NDUFAF2: variants seen among roughly 807,000 people sequenced by gnomAD.
NDUFAF2 encodes NADH:ubiquinone oxidoreductase complex assembly factor 2, also known as NADH dehydrogenase [ubiquinone] 1 alpha subcomplex assembly factor 2.
In NDUFAF2, 13 loss-of-function variants were observed where a neutral mutation model predicts 22.8. The ratio of observed to expected loss-of-function variants is 0.57; its 90% CI spans 0.37 to 0.91. The LOEUF (loss-of-function observed/expected upper bound fraction) is 0.91, where lower values mean the gene tolerates loss of function less well. Among genes scored for constraint, NDUFAF2 ranks in the 40% least tolerant of loss-of-function variants. NDUFAF2 has a pLI of 0.01. For missense variants in NDUFAF2, 162 were observed against 195.2 expected (o/e 0.83, Z 1.01); for synonymous variants, 53 against 64.2 (o/e 0.83, Z 0.84).
intron 3 of NDUFAF2, among the ~76,000 whole-genome samples, chr5:61,126,534 G>C (rs975733006): frequency 6.6e-6 from 1 of 151,956 alleles, no homozygotes; most frequent in South Asian, 2.1e-4. Flanking sequence ...ATTTTCTGTA[G>C]AATGATTTCC....
chr5:60,948,551 CTTT>C (rs55712639), intron 1 of NDUFAF2, among the ~76,000 whole-genome samples: 3 of 145,074 alleles, frequency 2.1e-5, no homozygotes, highest in African/African-American at 2.5e-5. Flanking sequence ...ACATATTCTG[CTTT>C]TTTTTTTTTT....
chr5:61,048,454 T>C (rs892474746), intron 1 of NDUFAF2, among the ~76,000 whole-genome samples: 3 of 152,154 alleles, frequency 2.0e-5, no homozygotes, highest in African/African-American at 7.2e-5. Context: ...AAGGCATATA[T>C]GGTTTTTGTT....
At chr5:61,085,973 G>A (rs1405517065) in intron 2 of NDUFAF2, among the ~76,000 whole-genome samples, 1 of 152,024 alleles carries the variant, frequency 6.6e-6, no homozygotes, top group Non-Finnish European at 1.5e-5. Flanking sequence ...ACTTTAGCCA[G>A]GTGTGGTGGT....
intron 1 of NDUFAF2, among the ~76,000 whole-genome samples, chr5:60,989,313 A>AT (rs1263107849): frequency 6.6e-6 from 1 of 152,150 alleles, no homozygotes; most frequent in East Asian, 1.9e-4. Flanking sequence ...TGCTGGTAGG[A>AT]GTGTAAATTA....
chr5:61,117,668 T>C (rs1348491318), intron 3 of NDUFAF2, among the ~76,000 whole-genome samples: 4 of 132,262 alleles, frequency 3.0e-5, no homozygotes, highest in Admixed American at 8.3e-5. Flanking sequence ...ATGCATATGA[T>C]TGACTTTTTT....
chr5:61,138,538 C>T (rs1740998294), intron 3 of NDUFAF2, among the ~76,000 whole-genome samples: 1 of 152,136 alleles, frequency 6.6e-6, no homozygotes, highest in African/African-American at 2.4e-5. Context: ...TGATATGTCA[C>T]AGAGACTACT....
At chr5:61,040,300 G>GCGCT (rs1276666903) in intron 1 of NDUFAF2, among the ~76,000 whole-genome samples, 5 of 149,098 alleles carry the variant, frequency 3.4e-5, no homozygotes, top group Admixed American at 6.7e-5. Flanking sequence ...GCGCGCGCGC[G>GCGCT]CGAAAGTTGA....
At chr5:60,964,053 T>C (rs1312616254) in intron 1 of NDUFAF2, among the ~76,000 whole-genome samples, 1 of 152,216 alleles carries the variant, frequency 6.6e-6, no homozygotes, top group Non-Finnish European at 1.5e-5. Flanking sequence ...AAAGGATTGC[T>C]GAATTTTTTT....
chr5:61,011,813 G>A (rs1369437138), intron 1 of NDUFAF2, among the ~76,000 whole-genome samples: 3 of 152,026 alleles, frequency 2.0e-5, no homozygotes, highest in Admixed American at 1.3e-4. Context: ...TCAGTGCCTA[G>A]CATCTCGTTA....
At chr5:61,062,126 T>C (rs1752172154) in intron 1 of NDUFAF2, among the ~76,000 whole-genome samples, 2 of 152,134 alleles carry the variant, frequency 1.3e-5, no homozygotes, top group African/African-American at 4.8e-5. Flanking sequence ...TGTGCAGATA[T>C]ATCAACACAG....
chr5:60,951,609 C>A (rs1370742985), intron 1 of NDUFAF2, among the ~76,000 whole-genome samples: 1 of 152,098 alleles, frequency 6.6e-6, no homozygotes, highest in African/African-American at 2.4e-5. Context: ...GATGTGCTTT[C>A]ATTTTATTGA....
chr5:61,075,892 G>T (rs1220330133), intron 2 of NDUFAF2, among the ~76,000 whole-genome samples: 1 of 152,090 alleles, frequency 6.6e-6, no homozygotes, highest in Non-Finnish European at 1.5e-5. Flanking sequence ...TAAACAATGT[G>T]CCCTTTTTCT....
At chr5:61,039,343 A>G (rs1396693362) in intron 1 of NDUFAF2, among the ~76,000 whole-genome samples, 1 of 152,178 alleles carries the variant, frequency 6.6e-6, no homozygotes, top group African/African-American at 2.4e-5. Context: ...GAAGAATAGA[A>G]CATCTATCAG....
chr5:61,002,463 T>C (rs767276935), intron 1 of NDUFAF2, among the ~76,000 whole-genome samples: 2 of 152,168 alleles, frequency 1.3e-5, no homozygotes, highest in Non-Finnish European at 2.9e-5. Context: ...TTCAAGGACA[T>C]TGGAATCAAT....
intron 1 of NDUFAF2, among the ~76,000 whole-genome samples, chr5:60,984,063 T>C (rs1159849124): frequency 3.3e-5 from 5 of 152,210 alleles, no homozygotes; most frequent in African/African-American, 9.6e-5. Context: ...GTTTGTATCC[T>C]CTTTTATTTC....
At chr5:60,988,690 T>A (rs1298736730) in intron 1 of NDUFAF2, among the ~76,000 whole-genome samples, 1 of 152,226 alleles carries the variant, frequency 6.6e-6, no homozygotes, top group Non-Finnish European at 1.5e-5. Flanking sequence ...AAGGACTCCC[T>A]ATTCTACAAA....
intron 3 of NDUFAF2, among the ~76,000 whole-genome samples, chr5:61,125,317 T>C (rs1462180172): frequency 3.3e-5 from 5 of 152,086 alleles, no homozygotes; most frequent in Non-Finnish European, 5.9e-5. Context: ...TCAGCTCTTT[T>C]CTTATGCACT....
At chr5:61,145,878 A>G (rs2111830740) in intron 3 of NDUFAF2, 1 of 152,184 alleles carries the variant, frequency 6.6e-6, no homozygotes. Context: ...TCACTCCAGG[A>G]GACTCTTTAA....
intron 3 of NDUFAF2, among the ~76,000 whole-genome samples, chr5:61,121,902 C>T (rs1190231747): frequency 6.6e-6 from 1 of 150,794 alleles, no homozygotes; most frequent in Admixed American, 6.6e-5. Flanking sequence ...ATGATCTCAG[C>T]TCACTGCAAC....
Sources: gnomAD v4.1 joint callset for allele counts (sites outside exome capture counted in the v4.1 genomes callset) on GRCh38, gnomAD v4.1.1 for gene constraint, MANE v1.5 for transcripts, NCBI Gene and HGNC (gene_info 2026-07-23, HGNC 2026-07-21) for gene names.